Variants in DLEU7 observed in about 807,000 individuals in gnomAD.
DLEU7 encodes the protein deleted in lymphocytic leukemia 7, also known as leukemia-associated protein 7.
A neutral mutation model predicts 16.0 loss-of-function variants in DLEU7; 17 were observed. The ratio of observed to expected loss-of-function variants is 1.06; its 90% CI spans 0.73 to 1.59. The LOEUF (loss-of-function observed/expected upper bound fraction) is 1.59. DLEU7 is among the 40% of genes most tolerant of loss of function. The pLI, the probability that DLEU7 is intolerant of heterozygous loss-of-function variation, is 0.00. For synonymous variants in DLEU7, 113 were observed against 139.8 expected, an observed-to-expected ratio of 0.81 and a Z score of 1.35; for missense variants, 308 against 314.9, an observed-to-expected ratio of 0.98 and a Z score of 0.17.
rs182473971 is a variant in DLEU7 at position 50,728,227 on chromosome 13, C to G, written c.460-14987G>C. ...TTTGGTCGGGGGTGGGAATGGGTGT[C>G]TGCAGCTTTTTCCAATTACAGATAA... On this transcript the variant is annotated intron_variant, in intron 1 of 1. Coordinates refer to the DLEU7 transcript ENST00000400393. Among the ~76,000 whole-genome samples the G allele has an allele frequency of 1.1e-3, 174 of 152,222 alleles. 1 individual carries two copies. Among genetic ancestry groups the G allele is most frequent in the Admixed American group, 2.8e-3 (43 of 15,288 alleles).
At chr13:50,790,483 C>T (rs1445194145) in intron 1 of DLEU7, among the ~76,000 whole-genome samples, 2 of 48,370 alleles carry the variant, frequency 4.1e-5, no homozygotes, top group African/African-American at 8.5e-5. Context: ...AGGAGACCCC[C>T]GCTGCTTTTT....
chr13:50,747,398 G>T (rs1874434167), intron 1 of DLEU7, among the ~76,000 whole-genome samples: 1 of 151,222 alleles, frequency 6.6e-6, no homozygotes, highest in African/African-American at 2.4e-5. Flanking sequence ...GTGGGTGTGT[G>T]CGCGCATTTG....
chr13:50,744,429 T>C (rs747586017), intron 1 of DLEU7, among the ~76,000 whole-genome samples: 1 of 152,198 alleles, frequency 6.6e-6, no homozygotes, highest in African/African-American at 2.4e-5. Flanking sequence ...GGTTTCTAAC[T>C]CCTGACTGGC....
At chr13:50,737,360 A>G (rs904116567) in intron 1 of DLEU7, among the ~76,000 whole-genome samples, 2 of 152,158 alleles carry the variant, frequency 1.3e-5, no homozygotes, top group Admixed American at 6.6e-5. Flanking sequence ...ACCTCATTTT[A>G]TTATGCTTCA....
At chr13:50,804,306 T>C (rs1360189490) in intron 1 of DLEU7, among the ~76,000 whole-genome samples, 1 of 152,110 alleles carries the variant, frequency 6.6e-6, no homozygotes, top group Admixed American at 6.6e-5. Context: ...TAGAGAGAAT[T>C]GAAAACTGTC....
At chr13:50,832,873 C>A (rs9568478) in intron 1 of DLEU7, among the ~76,000 whole-genome samples, 85,886 of 151,882 alleles carry the variant, frequency 0.57, 24,560 homozygotes, top group African/African-American at 0.66. Context: ...GTTCTTTTGC[C>A]TTTGCTAAGG....
chr13:50,743,721 A>G (rs1874316071), intron 1 of DLEU7, among the ~76,000 whole-genome samples: 2 of 152,204 alleles, frequency 1.3e-5, no homozygotes, highest in Admixed American at 1.3e-4. Context: ...CAATAAGCTC[A>G]TGCATTATAC....
At chr13:50,793,662 T>G (rs1876031535) in intron 1 of DLEU7, among the ~76,000 whole-genome samples, 1 of 152,222 alleles carries the variant, frequency 6.6e-6, no homozygotes, top group Non-Finnish European at 1.5e-5. Flanking sequence ...TTGAGAAGTG[T>G]CTGTTCATGT....
At chr13:50,785,627 T>A (rs1462364592) in intron 1 of DLEU7, among the ~76,000 whole-genome samples, 2 of 152,218 alleles carry the variant, frequency 1.3e-5, no homozygotes, top group African/African-American at 4.8e-5. Context: ...TTTGTCTTCC[T>A]CAATGTTGAA....
chr13:50,756,437 G>A (rs1259726393), intron 1 of DLEU7, among the ~76,000 whole-genome samples: 1 of 152,178 alleles, frequency 6.6e-6, no homozygotes, highest in East Asian at 1.9e-4. Context: ...CAATGGAGTT[G>A]TGTACCTAGA....
chr13:50,812,069 C>CAAAA (rs35178818), intron 1 of DLEU7, among the ~76,000 whole-genome samples: 7 of 104,548 alleles, frequency 6.7e-5, no homozygotes, highest in South Asian at 3.5e-4. Context: ...GATTCCATCT[C>CAAAA]AAAAAAAAAA....
At chr13:50,752,472 C>T (rs1874598459) in intron 1 of DLEU7, among the ~76,000 whole-genome samples, 2 of 152,140 alleles carry the variant, frequency 1.3e-5, no homozygotes, top group Admixed American at 6.5e-5. Context: ...TTCTTGGTCT[C>T]ACTGACTTCA....
intron 1 of DLEU7, among the ~76,000 whole-genome samples, chr13:50,734,260 G>GA (rs985309289): frequency 1.8e-4 from 27 of 152,140 alleles, no homozygotes; most frequent in African/African-American, 6.0e-4. Flanking sequence ...GTGAACTAAA[G>GA]AAAAAACGTA....
At chr13:50,782,268 G>C (rs1875671571) in intron 1 of DLEU7, among the ~76,000 whole-genome samples, 1 of 152,154 alleles carries the variant, frequency 6.6e-6, no homozygotes, top group African/African-American at 2.4e-5. Flanking sequence ...CATGGTTCCT[G>C]AAACAAAAGC....
chr13:50,783,281 A>G (rs1875705338), intron 1 of DLEU7, among the ~76,000 whole-genome samples: 1 of 152,136 alleles, frequency 6.6e-6, no homozygotes, highest in South Asian at 2.1e-4. Flanking sequence ...GCCCCCAGAG[A>G]TGGCCTTCCA....
intron 1 of DLEU7, among the ~76,000 whole-genome samples, chr13:50,754,424 T>C (rs534738349): frequency 6.6e-6 from 1 of 152,362 alleles, no homozygotes; most frequent in South Asian, 2.1e-4. Flanking sequence ...CATTATATAA[T>C]ATCCCTCTTT....
intron 1 of DLEU7, among the ~76,000 whole-genome samples, chr13:50,826,499 C>T (rs1877091490): frequency 6.6e-6 from 1 of 151,672 alleles, no homozygotes; most frequent in Non-Finnish European, 1.5e-5. Context: ...GAAAAAAATA[C>T]CTTAGAATGC....
intron 1 of DLEU7, among the ~76,000 whole-genome samples, chr13:50,756,782 T>C (rs547062): frequency 0.47 from 72,076 of 151,994 alleles, 18,144 homozygotes; most frequent in African/African-American, 0.63. Flanking sequence ...GGAGACTTCC[T>C]TCTTCCTGTG....
intron 1 of DLEU7, among the ~76,000 whole-genome samples, chr13:50,833,505 T>C (rs147856488): frequency 0.016 from 2,419 of 152,214 alleles, 60 homozygotes; most frequent in African/African-American, 0.054. Flanking sequence ...ACCTCTTCAA[T>C]GAGAACTACA....
Sources: allele counts gnomAD v4.1 joint callset (sites outside exome capture counted in the v4.1 genomes callset), GRCh38; gene constraint gnomAD v4.1.1; transcripts MANE v1.5; gene names NCBI Gene and HGNC (gene_info 2026-07-23, HGNC 2026-07-21).